Variants in ATP11A observed in about 807,000 individuals in gnomAD.
ATP11A encodes ATPase phospholipid transporting 11A, also known as phospholipid-transporting ATPase IH.
A neutral mutation model predicts 154.4 loss-of-function variants in ATP11A; 81 were observed. The observed-to-expected ratio is 0.52, with a 90% confidence interval of 0.44 to 0.63. The LOEUF (loss-of-function observed/expected upper bound fraction) is 0.63, where lower values mean the gene tolerates loss of function less well. ATP11A is among the 30% of genes least tolerant of loss of function. The pLI, the probability that ATP11A is intolerant of heterozygous loss-of-function variation, is 0.00. For missense variants in ATP11A, 1,316 were observed against 1,474.3 expected, an observed-to-expected ratio of 0.89 and a Z score of 1.76; for synonymous variants, 623 against 585.9, an observed-to-expected ratio of 1.06 and a Z score of -0.91.
Position 112,886,392 on chromosome 13 carries a change from C to T in ATP11A, c.*4526C>T, listed in dbSNP as rs2080981512. The T allele has an allele frequency of 6.6e-6, 1 of 152,200 alleles. No individual in the cohort carries two copies. Among genetic ancestry groups the T allele is most frequent in the South Asian group, 2.1e-4 (1 of 4,830 alleles). 9.4% of individuals were successfully genotyped at this position (152,200 alleles called of 1,614,324 possible). ...ACTGACTAGTACTGAATAATACAAC[C>T]ACTCTTATTTAATGTTAGTATTATT... On this transcript the variant is annotated 3_prime_UTR_variant, in exon 30 of 30. Transcript: ENST00000375645.
intron 20 of ATP11A, 100 bp downstream of exon 20, chr13:112,856,185 A>G (rs1362938120): frequency 7.5e-6 from 9 of 1,202,320 alleles, no homozygotes; most frequent in Non-Finnish European, 1.2e-6. Context: ...ACAATCTAGC[A>G]GGGTACCACC....
chr13:112,813,351 T>C (rs539222622), intron 5 of ATP11A, among the ~76,000 whole-genome samples: 1 of 152,226 alleles, frequency 6.6e-6, no homozygotes, highest in Non-Finnish European at 1.5e-5. Context: ...GGATATGATA[T>C]AAAGAGAATC....
At chr13:112,716,212 G>C (rs1348704080) in intron 1 of ATP11A, among the ~76,000 whole-genome samples, 1 of 152,214 alleles carries the variant, frequency 6.6e-6, no homozygotes, top group Non-Finnish European at 1.5e-5. Flanking sequence ...CATCCACCGT[G>C]GTGGGGCCAA....
At chr13:112,820,980 G>A (rs886619037) in intron 8 of ATP11A, among the ~76,000 whole-genome samples, 1 of 152,238 alleles carries the variant, frequency 6.6e-6, no homozygotes, top group Non-Finnish European at 1.5e-5. Context: ...TTCTTAGCAT[G>A]TGCTTGTTAT....
At position 112,874,805 on chromosome 13, in the gene ATP11A, G is replaced by A. The variant is rs1279856529; in HGVS notation, c.3162-971G>A. ...TGCTTAGCTCTAGAGAGCCCAGCCC[G>A]GCTCTGGAGAGCCCGGCCATTCTAA... On this transcript the variant is annotated intron_variant, in intron 27 of 29. Coordinates refer to ENST00000375645, the MANE Select transcript of ATP11A (RefSeq NM_015205.3). Among the ~76,000 whole-genome samples, 6 of 152,156 alleles carry A rather than the reference G, an allele frequency of 3.9e-5. No homozygotes were observed. In the East Asian group the frequency reaches 5.8e-4, roughly 15 times the overall value.
intron 1 of ATP11A, among the ~76,000 whole-genome samples, chr13:112,738,121 T>C (rs1295721538): frequency 6.6e-6 from 1 of 152,132 alleles, no homozygotes; most frequent in Admixed American, 6.5e-5. Flanking sequence ...CCTATAATCC[T>C]AGCACTTTGG....
Position 112,883,407 on chromosome 13 carries a change from ACG to A in ATP11A, c.*1543_*1544del. ...GCTGCCTTTCAGGAAAGCACCACCA[ACG>A]CTGGAGGAGGAGCCGGCCCTCACGC... On this transcript the variant is annotated 3_prime_UTR_variant, in exon 30 of 30. Transcript: ENST00000375645. The A allele has an allele frequency of 5.2e-6, 2 of 381,004 alleles. No individual in the cohort carries two copies. Among genetic ancestry groups the A allele is most frequent in the Non-Finnish European group, 9.3e-6 (2 of 215,400 alleles). The allele number at this position is 381,004 out of a possible 1,614,324, so 23.6% of individuals were successfully genotyped here.
chr13:112,772,881 AT>A (rs776938077), intron 1 of ATP11A, among the ~76,000 whole-genome samples: 15 of 152,152 alleles, frequency 9.9e-5, no homozygotes, highest in Non-Finnish European at 1.8e-4. Context: ...TGTCTTTTCT[AT>A]TTTTGAGTTT....
chr13:112,790,783 C>G (rs923937789), intron 2 of ATP11A, among the ~76,000 whole-genome samples: 7 of 152,200 alleles, frequency 4.6e-5, no homozygotes, highest in African/African-American at 1.7e-4. Flanking sequence ...TATTTATGTG[C>G]TCTTGAAGAG....
At chr13:112,775,656 T>C (rs981092890) in intron 1 of ATP11A, among the ~76,000 whole-genome samples, 4 of 152,228 alleles carry the variant, frequency 2.6e-5, no homozygotes, top group Non-Finnish European at 5.9e-5. Flanking sequence ...ATTTGTGAGA[T>C]CTGGGTGATT....
chr13:112,764,262 G>A (rs1464858928), intron 1 of ATP11A, among the ~76,000 whole-genome samples: 1 of 152,192 alleles, frequency 6.6e-6, no homozygotes, highest in Non-Finnish European at 1.5e-5. Context: ...TGACACCTGC[G>A]GGGCCCCGGC....
At position 112,879,920 on chromosome 13, in the gene ATP11A, G is replaced by A. The variant is rs78113857; in HGVS notation, c.*9+1617G>A. On this transcript the variant is annotated intron_variant, in intron 29 of 29. Coordinates refer to ENST00000375645, the MANE Select transcript of ATP11A (RefSeq NM_015205.3). ...TATATGCCCGTGCTGGCATCTCTGC[G>A]TATCTGCATGCAGTTCACTTCTCCG... Among the ~76,000 whole-genome samples the A allele has an allele frequency of 1.5e-3, 225 of 152,314 alleles. 1 individual carries two copies. Among genetic ancestry groups the A allele is most frequent in the Admixed American group, 3.5e-3 (54 of 15,302 alleles).
intron 1 of ATP11A, among the ~76,000 whole-genome samples, chr13:112,783,313 T>C (rs186535820): frequency 6.6e-6 from 1 of 152,026 alleles, no homozygotes; most frequent in East Asian, 1.9e-4. Context: ...AAAACGAGAG[T>C]TCCCTGAAGC....
intron 18 of ATP11A, among the ~76,000 whole-genome samples, 154 bp downstream of exon 18, chr13:112,851,372 C>A (rs1480932550): frequency 1.3e-5 from 2 of 152,172 alleles, no homozygotes; most frequent in South Asian, 2.1e-4. Context: ...TCTTGCTACA[C>A]CCTGGAGTCA....
chr13:112,726,834 A>G (rs1889937408), intron 1 of ATP11A, among the ~76,000 whole-genome samples: 1 of 152,244 alleles, frequency 6.6e-6, no homozygotes, highest in Admixed American at 6.5e-5. Flanking sequence ...AGAATAAAAA[A>G]TGCACCACCT....
chr13:112,827,797 C>G (rs1179977891), intron 12 of ATP11A, among the ~76,000 whole-genome samples: 2 of 152,254 alleles, frequency 1.3e-5, no homozygotes, highest in African/African-American at 4.8e-5. Context: ...AGAGGCCTCT[C>G]TCTGCCTCCT....
At chr13:112,846,410 C>G (rs956381884) in intron 17 of ATP11A, among the ~76,000 whole-genome samples, 1 of 152,142 alleles carries the variant, frequency 6.6e-6, no homozygotes, top group Non-Finnish European at 1.5e-5. Context: ...TGTCAGCACC[C>G]CACGCAGGAC....
chr13:112,723,412 C>T (rs560124603), intron 1 of ATP11A, among the ~76,000 whole-genome samples: 6 of 143,152 alleles, frequency 4.2e-5, no homozygotes, highest in South Asian at 4.7e-4. Flanking sequence ...GCTGGGATTA[C>T]AGGCACACAC....
rs1191610677 is a variant in ATP11A, at chr13:112,882,963, C to T, written c.*1097C>T. 5 of 399,130 alleles carry T rather than the reference C, an allele frequency of 1.3e-5. No homozygotes were observed. The highest frequency in any genetic ancestry group is 2.2e-5 in the Non-Finnish European group (5 of 226,566). The allele number at this position is 399,130 out of a possible 1,614,324, so 24.7% of individuals were successfully genotyped here. On this transcript the variant is annotated 3_prime_UTR_variant, in exon 30 of 30. Transcript: ENST00000375645. The surrounding 1 kb of genome is among the most constrained non-coding windows in gnomAD (Gnocchi z 5.1). ...GCAGCACCGCACCTCTGCCCGCCTCCCGCACTGCAGCTCCGCCCGCCGGGC... is the reference window on the plus strand; with the variant it reads ...GCAGCACCGCACCTCTGCCCGCCTCTCGCACTGCAGCTCCGCCCGCCGGGC...
Sources: allele counts gnomAD v4.1 joint callset (sites outside exome capture counted in the v4.1 genomes callset), GRCh38; gene constraint gnomAD v4.1.1; non-coding constraint Gnocchi (gnomAD v3.1); transcripts MANE v1.5; gene names NCBI Gene and HGNC (gene_info 2026-07-23, HGNC 2026-07-21).